The following UPRT variants were observed in gnomAD, a reference collection of about 807,000 sequenced individuals.
The protein encoded by UPRT is uracil phosphoribosyltransferase homolog, also known as RP11-311P8.3.
Under a neutral mutation model 22.6 loss-of-function variants are expected in UPRT, and 5 were observed. The ratio of observed to expected loss-of-function variants is 0.22; its 90% CI spans 0.12 to 0.47. UPRT has a LOEUF of 0.47. Ranked by LOEUF, UPRT falls within the 20% of genes least tolerant of loss-of-function variation. UPRT has a pLI of 0.99. For missense variants in UPRT, 181 were observed against 239.9 expected (o/e 0.75, Z 1.62); for synonymous variants, 77 against 87.7 (o/e 0.88, Z 0.68).
chrX:75,194,274 G>T (rs1164867600), intron 4 of UPRT, among the ~76,000 whole-genome samples: 3 of 111,900 alleles, frequency 2.7e-5, no homozygotes, highest in Non-Finnish European at 5.6e-5. Flanking sequence ...ACTCTTAGGA[G>T]TGGGTATCAT....
At chrX:75,241,379 C>T (rs989310775) in intron 4 of UPRT, among the ~76,000 whole-genome samples, 4 of 111,655 alleles carry the variant, frequency 3.6e-5, no homozygotes, top group Non-Finnish European at 5.7e-5. Flanking sequence ...AATGCAATAC[C>T]ACCTTACTCC....
At chrX:75,279,474 T>C (rs1222849618) in intron 1 of UPRT, among the ~76,000 whole-genome samples, 1 of 111,532 alleles carries the variant, frequency 9.0e-6, no homozygotes, top group Non-Finnish European at 1.9e-5. Context: ...CTAACTAGAC[T>C]GGACTCCAAG....
intron 1 of UPRT, among the ~76,000 whole-genome samples, chrX:75,287,403 A>G (rs1357949765): frequency 9.0e-6 from 1 of 111,730 alleles, no homozygotes; most frequent in Non-Finnish European, 1.9e-5. Flanking sequence ...ATATTTCTAT[A>G]TCTTGTGGAT....
At chrX:75,260,989 G>C (rs957231784) in intron 4 of UPRT, among the ~76,000 whole-genome samples, 2 of 112,003 alleles carry the variant, frequency 1.8e-5, no homozygotes, top group Non-Finnish European at 3.8e-5. Context: ...TAAACAACTT[G>C]CTCCTGAATG....
chrX:75,166,732 C>T (rs1200115117), intron 3 of UPRT, among the ~76,000 whole-genome samples: 1 of 112,298 alleles, frequency 8.9e-6, no homozygotes, highest in Non-Finnish European at 1.9e-5. Context: ...CAGGAGCCCC[C>T]AGTAATAAAT....
At chrX:75,243,296 C>A (rs964171113) in intron 4 of UPRT, among the ~76,000 whole-genome samples, 1 of 111,232 alleles carries the variant, frequency 9.0e-6, no homozygotes, top group African/African-American at 3.3e-5. Context: ...ATAGTAAGGG[C>A]TTGACCAGTA....
At chrX:75,183,981 C>T (rs2082280220) in intron 4 of UPRT, among the ~76,000 whole-genome samples, 1 of 112,082 alleles carries the variant, frequency 8.9e-6, no homozygotes, top group East Asian at 2.8e-4. Flanking sequence ...GTTGCCTGTT[C>T]ACTCTGATGG....
chrX:75,184,942 G>A (rs1380147191), intron 4 of UPRT, among the ~76,000 whole-genome samples: 1 of 111,110 alleles, frequency 9.0e-6, no homozygotes, highest in Non-Finnish European at 1.9e-5. Context: ...GGGTTTACTA[G>A]ATATACAATC....
At chrX:75,188,570 T>TGCTTTGTTTACCTAAGCAA (rs1358771441) in intron 4 of UPRT, among the ~76,000 whole-genome samples, 1 of 112,833 alleles carries the variant, frequency 8.9e-6, no homozygotes, top group African/African-American at 3.2e-5. Context: ...GCTTCCAGGC[T>TGCTTTGTTTACCTAAGCAA]GCTTTGTTTA....
intron 4 of UPRT, among the ~76,000 whole-genome samples, chrX:75,193,853 A>G (rs190772351): frequency 9.0e-6 from 1 of 111,542 alleles, no homozygotes; most frequent in East Asian, 2.8e-4. Context: ...CAGCTTCTGT[A>G]TCATTTTATT....
At chrX:75,201,110 T>C (rs750392003) in intron 4 of UPRT, among the ~76,000 whole-genome samples, 7 of 112,555 alleles carry the variant, frequency 6.2e-5, no homozygotes, top group Non-Finnish European at 1.3e-4. Context: ...GCTAGGTCAG[T>C]CCATTTCACA....
intron 4 of UPRT, among the ~76,000 whole-genome samples, chrX:75,259,029 C>G (rs1339486860): frequency 1.8e-5 from 2 of 111,706 alleles, no homozygotes; most frequent in Non-Finnish European, 3.8e-5. Context: ...ATCAGAGGGA[C>G]CTGACTGTTA....
chrX:75,206,104 G>A (rs994095892), intron 4 of UPRT, among the ~76,000 whole-genome samples: 5 of 111,368 alleles, frequency 4.5e-5, no homozygotes, highest in African/African-American at 1.6e-4. Context: ...GCCAGCTGTT[G>A]GTTAACCTGT....
At chrX:75,287,109 T>TCA (rs759684655) in intron 1 of UPRT, among the ~76,000 whole-genome samples, 36 of 110,424 alleles carry the variant, frequency 3.3e-4, no homozygotes, top group Non-Finnish European at 5.5e-4. Context: ...TATATATATG[T>TCA]CACACACACA....
rs922317722 is a variant in UPRT, at chrX:75,246,859, A to G, written c.-446-44165A>G. Among the ~76,000 whole-genome samples the G allele has an allele frequency of 2.7e-5, 3 of 111,874 alleles. No individual in the cohort carries two copies. In the Admixed American group the frequency reaches 2.8e-4, roughly 11 times the overall value. On this transcript the variant is annotated intron_variant, in intron 4 of 13. Transcript: ENST00000652605. Reference sequence around the variant, plus strand: ...TGCATTTCTCTGATGATCAGTGATGATGAGCATTTTTTCATGTGTCTGTTG... The same window carrying G: ...TGCATTTCTCTGATGATCAGTGATGGTGAGCATTTTTTCATGTGTCTGTTG...
At chrX:75,231,805 T>C (rs187687787) in intron 4 of UPRT, among the ~76,000 whole-genome samples, 1 of 112,212 alleles carries the variant, frequency 8.9e-6, no homozygotes, top group African/African-American at 3.2e-5. Context: ...ATAAACTCCT[T>C]AAACAAATTA....
chrX:75,292,561 A>G (rs2082712209), intron 1 of UPRT, among the ~76,000 whole-genome samples: 1 of 111,686 alleles, frequency 9.0e-6, no homozygotes, highest in African/African-American at 3.3e-5. Context: ...AATTAATGAT[A>G]TACTGAGATA....
intron 4 of UPRT, among the ~76,000 whole-genome samples, chrX:75,187,025 T>A (rs1380502671): frequency 9.0e-6 from 1 of 111,648 alleles, no homozygotes; most frequent in African/African-American, 3.3e-5. Context: ...CATTTACATT[T>A]AAGGTTAATA....
intron 4 of UPRT, 110 bp downstream of exon 4, chrX:75,297,663 A>T: frequency 1.2e-6 from 1 of 855,001 alleles, no homozygotes; most frequent in Non-Finnish European, 1.7e-6. Context: ...CCTTTAGTTA[A>T]ATCTCACTAC....
Sources: allele counts gnomAD v4.1 joint callset (sites outside exome capture counted in the v4.1 genomes callset), GRCh38; gene constraint gnomAD v4.1.1; transcripts MANE v1.5; gene names NCBI Gene and HGNC (gene_info 2026-07-23, HGNC 2026-07-21).